Variants in FAM149A observed in about 807,000 individuals in gnomAD.
The protein encoded by FAM149A is family with sequence similarity 149 member A, also known as protein FAM149A.
A neutral mutation model predicts 78.2 loss-of-function variants in FAM149A; 71 were observed. The observed-to-expected ratio is 0.91, with a 90% CI of 0.75 to 1.11. FAM149A has a LOEUF of 1.11. FAM149A is among the 50% of genes least tolerant of loss of function. FAM149A has a pLI of 0.00. For missense variants in FAM149A, 1,036 were observed against 971.0 expected (o/e 1.07, Z -0.89); for synonymous variants, 446 against 410.5 (o/e 1.09, Z -1.04).
At chr4:186,146,923 T>C (rs1242589667) in intron 1 of FAM149A, 3 of 985,360 alleles carry the variant, frequency 3.0e-6, no homozygotes, top group South Asian at 4.7e-5. Flanking sequence ...GAGGGCATCT[T>C]TTGTGTGACG....
chr4:186,121,725 G>A (rs1411100543), intron 1 of FAM149A, among the ~76,000 whole-genome samples: 3 of 152,114 alleles, frequency 2.0e-5, no homozygotes, highest in Non-Finnish European at 1.5e-5. Context: ...CGATGAGTGT[G>A]GTGCTGCCAT....
chr4:186,119,904 C>T (rs1259127824), intron 1 of FAM149A, among the ~76,000 whole-genome samples: 1 of 152,112 alleles, frequency 6.6e-6, no homozygotes, highest in Non-Finnish European at 1.5e-5. Flanking sequence ...AAAATGAACC[C>T]CTTCCCTCAA....
At chr4:186,165,238 G>A in intron 10 of FAM149A, 106 bp from the exon 11 acceptor site, 1 of 1,252,554 alleles carries the variant, frequency 8.0e-7, no homozygotes, top group Non-Finnish European at 1.2e-6. Flanking sequence ...GACCTCCTGT[G>A]TGCCCCTCAC....
At chr4:186,137,914 C>T (rs1217735850) in intron 1 of FAM149A, among the ~76,000 whole-genome samples, 2 of 151,642 alleles carry the variant, frequency 1.3e-5, no homozygotes, top group African/African-American at 2.4e-5. Context: ...TCATAGTTTA[C>T]CTAGCACTTT....
intron 1 of FAM149A, among the ~76,000 whole-genome samples, chr4:186,117,256 G>A (rs2099314144): frequency 6.6e-6 from 1 of 152,128 alleles, no homozygotes. Context: ...ATGATCTGCA[G>A]TGTAGGCTAA....
At chr4:186,107,931 T>A (rs1171766066) in intron 1 of FAM149A, among the ~76,000 whole-genome samples, 1 of 152,208 alleles carries the variant, frequency 6.6e-6, no homozygotes. Flanking sequence ...CCACTCCTTT[T>A]TCAATCACTA....
intron 1 of FAM149A, among the ~76,000 whole-genome samples, chr4:186,119,517 G>A (rs902929510): frequency 3.9e-5 from 6 of 152,168 alleles, no homozygotes; most frequent in African/African-American, 1.4e-4. Context: ...TAATAAAGAG[G>A]TTATTAAGGC....
chr4:186,136,958 C>CTCTCTCTT (rs2099323140), intron 1 of FAM149A, among the ~76,000 whole-genome samples: 4 of 103,182 alleles, frequency 3.9e-5, no homozygotes, highest in African/African-American at 4.4e-5. Flanking sequence ...CTCTCTCTCT[C>CTCTCTCTT]TCTCTTTCTC....
Position 186,167,105 on chromosome 4 carries a change from T to C in FAM149A, c.2139+9T>C. 6.2e-7 allele frequency: 1 copy of C among 1,609,916 alleles called. No individual in the cohort carries two copies. Among genetic ancestry groups the C allele is most frequent in the Non-Finnish European group, 8.5e-7 (1 of 1,176,844 alleles). On this transcript the variant is annotated intron_variant, in intron 12 of 13. Coordinates refer to ENST00000389354, the MANE Select transcript of FAM149A (RefSeq NM_001367768.3). ...CAACCCACACGTTCCGGGTGGGTTC[T>C]CTGTTTCCTGTAACTTTAATTTTGA...
Position 186,154,495 on chromosome 4 carries a change from C to T in FAM149A, c.1086C>T (p.Val362=), listed in dbSNP as rs1733873723. 1 of 1,613,090 alleles carries T rather than the reference C, an allele frequency of 6.2e-7. No homozygotes were observed. ...TGTGCATTTCTGGCTCTCAAATAGT[C>T]CCAGCAGCACTCTCAGCCTCTGCCC... The change falls in exon 6 of 14, where the codon GTC becomes GTT. Residue 362 remains valine, a synonymous_variant. Transcript: ENST00000389354.
rs975274013 is a variant in FAM149A at position 186,164,464 on chromosome 4, C to T, written c.1889+831C>T. ...GAGCTCAGGAGCGGGCGGCTGCCAA[C>T]GCTTACCTGGCACCCAGACTTTTTC... On this transcript the variant is annotated intron_variant, in intron 10 of 13. Coordinates refer to ENST00000389354, the MANE Select transcript of FAM149A (RefSeq NM_001367768.3). This position sits in a 1 kb window ranked among gnomAD's most constrained non-coding sequence, Gnocchi z 4.0. 7.7e-5 allele frequency: 76 copies of T among 985,404 alleles called. No homozygotes were observed. The highest frequency in any genetic ancestry group is 1.2e-4 in the Admixed American group (2 of 16,290). The allele number at this position is 985,404 out of a possible 1,614,324, so 61.0% of individuals were successfully genotyped here.
At chr4:186,152,630 A>C (rs889927929) in intron 4 of FAM149A, among the ~76,000 whole-genome samples, 3 of 137,746 alleles carry the variant, frequency 2.2e-5, no homozygotes, top group Admixed American at 8.5e-5. Flanking sequence ...CTGCAATCTC[A>C]GCCTCCTTGG....
At position 186,172,105 on chromosome 4, in the gene FAM149A, C is replaced by A; in HGVS notation, c.*118C>A. On this transcript the variant is annotated 3_prime_UTR_variant, in exon 14 of 14. Coordinates refer to ENST00000389354, the MANE Select transcript of FAM149A (RefSeq NM_001367768.3). ...TGTCTGACAGTGTGAGATGTTAGACCGAGAGAAAAGCAAACAAATAAATCA... is the reference window on the plus strand; with the variant it reads ...TGTCTGACAGTGTGAGATGTTAGACAGAGAGAAAAGCAAACAAATAAATCA... The A allele has an allele frequency of 7.1e-7, 1 of 1,399,980 alleles. No homozygotes were observed. Among genetic ancestry groups the A allele is most frequent in the South Asian group, 1.6e-5 (1 of 63,320 alleles). 86.7% of individuals were successfully genotyped at this position (1,399,980 alleles called of 1,614,324 possible). A position where few individuals can be genotyped will look rare whatever the true frequency, so the allele number is the denominator to read the frequency against.
At chr4:186,134,515 T>C (rs2099321976) in intron 1 of FAM149A, among the ~76,000 whole-genome samples, 1 of 152,298 alleles carries the variant, frequency 6.6e-6, no homozygotes, top group South Asian at 2.1e-4. Flanking sequence ...TTTGGTCAGC[T>C]GAGAGCCCTG....
chr4:186,153,137 A>G (rs1005474857), intron 4 of FAM149A: 2 of 358,810 alleles, frequency 5.6e-6, no homozygotes, highest in African/African-American at 4.4e-5. Flanking sequence ...CTCACCAGAA[A>G]TTCGGGAGCT....
chr4:186,127,918 C>G (rs1175833660), intron 1 of FAM149A, among the ~76,000 whole-genome samples: 1 of 150,024 alleles, frequency 6.7e-6, no homozygotes, highest in East Asian at 2.0e-4. Context: ...AAAGTCCTGA[C>G]TTCAGTTGAT....
intron 6 of FAM149A, among the ~76,000 whole-genome samples, chr4:186,155,531 G>T (rs1733977193): frequency 6.6e-6 from 1 of 151,754 alleles, no homozygotes; most frequent in Admixed American, 6.6e-5. Flanking sequence ...AACCTAAAGG[G>T]AAATCAAAAA....
chr4:186,130,263 A>ATCTCTCTCTCTCTCTCTCTCTCTCTC lies in FAM149A; in HGVS notation c.567-18904_567-18879dup, dbSNP rs150724097. ...GGAATCTAAAATTGGACTTTATGAA[A>ATCTCTCTCTCTCTCTCTCTCTCTCTC]TCTCTCTCTCTCTCTCTCTCTCTCT... is the stretch of plus-strand genomic sequence containing the variant. On this transcript the variant is annotated intron_variant, in intron 1 of 13. Transcript: ENST00000389354. The ATCTCTCTCTCTCTCTCTCTCTCTCTC allele has an allele frequency of 1.4e-3, 91 of 67,098 alleles. 2 individuals are homozygous for ATCTCTCTCTCTCTCTCTCTCTCTCTC. The highest frequency in any genetic ancestry group is 1.8e-3 in the Non-Finnish European group (66 of 35,754). The allele number at this position is 67,098 out of a possible 1,614,324, so 4.2% of individuals were successfully genotyped here.
At position 186,144,677 on chromosome 4, in the gene FAM149A, C is replaced by T. The variant is rs1717038948; in HGVS notation, c.567-4496C>T. On this transcript the variant is annotated intron_variant, in intron 1 of 13. Coordinates refer to ENST00000389354, the MANE Select transcript of FAM149A (RefSeq NM_001367768.3). This position sits in a 1 kb window ranked among gnomAD's most constrained non-coding sequence, Gnocchi z 4.2. Reference sequence around the variant, plus strand: ...AGGAGTGGCCGCTGGGTTGGAAACCCGGCCCGGCAGGGAGCGGGGAAGGCG... The same window carrying T: ...AGGAGTGGCCGCTGGGTTGGAAACCTGGCCCGGCAGGGAGCGGGGAAGGCG... 2.2e-6 allele frequency: 1 copy of T among 445,840 alleles called. No individual in the cohort carries two copies. Among genetic ancestry groups the T allele is most frequent in the Non-Finnish European group, 3.0e-6 (1 of 335,870 alleles). 27.6% of individuals were successfully genotyped at this position (445,840 alleles called of 1,614,324 possible).
Sources: allele counts gnomAD v4.1 joint callset (sites outside exome capture counted in the v4.1 genomes callset), GRCh38; gene constraint gnomAD v4.1.1; non-coding constraint Gnocchi (gnomAD v3.1); transcripts MANE v1.5; gene names NCBI Gene and HGNC (gene_info 2026-07-23, HGNC 2026-07-21).